The following PPTC7 variants were observed in gnomAD, a reference collection of about 807,000 sequenced individuals.
PPTC7 encodes protein phosphatase targeting COQ7, also known as protein phosphatase PTC7 homolog.
PPTC7 carries 6 observed loss-of-function variants against 30.8 expected under a neutral mutation model. That is an observed-to-expected ratio of 0.19 (90% confidence interval 0.11 to 0.38). The LOEUF (loss-of-function observed/expected upper bound fraction) is 0.38. Among genes scored for constraint, PPTC7 ranks in the 10% least tolerant of loss-of-function variants. The probability of loss-of-function intolerance (pLI) is 1.00; values close to 1 mark genes in which losing one functional copy is unlikely to be tolerated. For missense variants in PPTC7, 218 were observed against 404.8 expected (o/e 0.54, Z 3.96); for synonymous variants, 163 against 168.1 (o/e 0.97, Z 0.23).
At chr12:110,557,431 C>G (rs538249667) in intron 1 of PPTC7, among the ~76,000 whole-genome samples, 1 of 151,956 alleles carries the variant, frequency 6.6e-6, no homozygotes, top group Admixed American at 6.6e-5. Context: ...CACCCTGATA[C>G]ACCCCGCTAC....
chr12:110,551,977 A>G lies in PPTC7; in HGVS notation c.224-9T>C, dbSNP rs200650014. On this transcript the variant is annotated splice_polypyrimidine_tract_variant and intron_variant, in intron 1 of 5. Coordinates refer to ENST00000354300, the MANE Select transcript of PPTC7 (RefSeq NM_139283.2). ...TACACCATCTGCAACCCCTGAAGAA[A>G]AAACAAAAATTACAGTAAAAGAACA... The G allele has an allele frequency of 2.8e-5, 45 of 1,592,016 alleles. No homozygotes were observed. The highest frequency in any genetic ancestry group is 2.3e-4 in the Admixed American group (13 of 56,278).
At chr12:110,558,213 T>C (rs912860586) in intron 1 of PPTC7, among the ~76,000 whole-genome samples, 3 of 152,162 alleles carry the variant, frequency 2.0e-5, no homozygotes, top group African/African-American at 4.8e-5. Context: ...TGTGGAAGTG[T>C]TGTGTATAAA....
At chr12:110,567,151 G>A (rs2064491215) in intron 1 of PPTC7, among the ~76,000 whole-genome samples, 1 of 152,102 alleles carries the variant, frequency 6.6e-6, no homozygotes. Flanking sequence ...GCCTCCAAAG[G>A]GCTGAGTCTC....
Position 110,583,042 on chromosome 12 carries a change from G to GC in PPTC7, c.-12dup, listed in dbSNP as rs888754666. 4.1e-5 allele frequency: 57 copies of GC among 1,386,946 alleles called. No homozygotes were observed. The highest frequency in any genetic ancestry group is 7.4e-5 in the Admixed American group (2 of 27,034). The allele number at this position is 1,386,946 out of a possible 1,614,324, so 85.9% of individuals were successfully genotyped here. On this transcript the variant is annotated 5_prime_UTR_variant, in exon 1 of 6. Transcript: ENST00000354300. ...GAGGACCGAGAACATCGCCGCCGCCGCCCCCCCGAGGAGGCGGGGGGCCGG... is the reference window on the plus strand; with the variant it reads ...GAGGACCGAGAACATCGCCGCCGCCGCCCCCCCCGAGGAGGCGGGGGGCCGG...
At chr12:110,568,495 G>A (rs574004474) in intron 1 of PPTC7, among the ~76,000 whole-genome samples, 1 of 151,804 alleles carries the variant, frequency 6.6e-6, no homozygotes, top group African/African-American at 2.4e-5. Context: ...CTCGTGATCC[G>A]CCCACCTCGG....
At chr12:110,582,305 G>A (rs964292035) in intron 1 of PPTC7, among the ~76,000 whole-genome samples, 1 of 152,248 alleles carries the variant, frequency 6.6e-6, no homozygotes, top group Non-Finnish European at 1.5e-5. Context: ...TTACCATCCA[G>A]GCGGCGAAAG....
At chr12:110,575,742 C>T (rs959933759) in intron 1 of PPTC7, among the ~76,000 whole-genome samples, 5 of 149,852 alleles carry the variant, frequency 3.3e-5, no homozygotes, top group African/African-American at 1.2e-4. Flanking sequence ...CAAAAGGATT[C>T]AACCAGAATC....
chr12:110,553,225 G>T (rs1394854694), intron 1 of PPTC7, among the ~76,000 whole-genome samples: 3 of 145,792 alleles, frequency 2.1e-5, no homozygotes, highest in African/African-American at 7.5e-5. Flanking sequence ...TCGGCTCACC[G>T]CAACCTCTCC....
chr12:110,540,321 C>CCTTTT (rs377082561), intron 3 of PPTC7, among the ~76,000 whole-genome samples: 1 of 105,008 alleles, frequency 9.5e-6, no homozygotes, highest in Non-Finnish European at 1.8e-5. Flanking sequence ...CCCCCCCCGC[C>CCTTTT]TTTTTTTTTT....
intron 1 of PPTC7, among the ~76,000 whole-genome samples, chr12:110,559,203 T>A (rs1247767312): frequency 1.2e-4 from 18 of 151,396 alleles, no homozygotes; most frequent in Non-Finnish European, 2.4e-4. Context: ...TTTTTAAAAA[T>A]TTTTTTTGTA....
At chr12:110,582,636 GCGGAAAA>G (rs2064647978) in intron 1 of PPTC7, among the ~76,000 whole-genome samples, 166 bp downstream of exon 1, 1 of 152,206 alleles carries the variant, frequency 6.6e-6, no homozygotes, top group Non-Finnish European at 1.5e-5. Flanking sequence ...GGTCGTTCAA[GCGGAAAA>G]CGCGCCTCGG....
At chr12:110,553,797 A>G (rs1376655343) in intron 1 of PPTC7, among the ~76,000 whole-genome samples, 2 of 152,148 alleles carry the variant, frequency 1.3e-5, no homozygotes, top group Non-Finnish European at 2.9e-5. Context: ...AAACAGAAAA[A>G]GAATATTTTA....
intron 1 of PPTC7, among the ~76,000 whole-genome samples, chr12:110,560,745 T>C (rs1336168181): frequency 6.6e-6 from 1 of 152,216 alleles, no homozygotes; most frequent in Admixed American, 6.5e-5. Context: ...ACAATTTGAT[T>C]TTGTCCAAAA....
intron 5 of PPTC7, among the ~76,000 whole-genome samples, chr12:110,537,519 A>T (rs2064228102): frequency 6.6e-6 from 1 of 152,202 alleles, no homozygotes. Context: ...TTCTATTTTA[A>T]CATTTTTTGG....
intron 1 of PPTC7, among the ~76,000 whole-genome samples, chr12:110,553,216 C>A (rs1000891177): frequency 1.4e-5 from 2 of 146,306 alleles, no homozygotes; most frequent in Non-Finnish European, 3.0e-5. Context: ...GGCGTGATCT[C>A]GGCTCACCGC....
intron 1 of PPTC7, among the ~76,000 whole-genome samples, chr12:110,571,774 T>G (rs1357923053): frequency 6.6e-6 from 1 of 152,202 alleles, no homozygotes; most frequent in South Asian, 2.1e-4. Flanking sequence ...GATTGTTTGG[T>G]GAATTGTGTA....
At chr12:110,561,974 C>T (rs1365669520) in intron 1 of PPTC7, among the ~76,000 whole-genome samples, 3 of 151,920 alleles carry the variant, frequency 2.0e-5, no homozygotes, top group Non-Finnish European at 4.4e-5. Flanking sequence ...AAACACTCCC[C>T]TGTGATTCAA....
At chr12:110,566,585 A>G (rs1037839371) in intron 1 of PPTC7, among the ~76,000 whole-genome samples, 1 of 152,198 alleles carries the variant, frequency 6.6e-6, no homozygotes, top group African/African-American at 2.4e-5. Flanking sequence ...GCCAACATTC[A>G]GCAAGTTAGA....
rs909890960 is a variant in PPTC7 at position 110,533,680 on chromosome 12, G to A, written c.*3357C>T. The A allele has an allele frequency of 6.6e-6, 1 of 152,184 alleles. No individual in the cohort carries two copies. The highest frequency in any genetic ancestry group is 1.5e-5 in the Non-Finnish European group (1 of 68,034). The allele number at this position is 152,184 out of a possible 1,614,324, so 9.4% of individuals were successfully genotyped here. A position where few individuals can be genotyped will look rare whatever the true frequency, so the allele number is the denominator to read the frequency against. On this transcript the variant is annotated 3_prime_UTR_variant, in exon 6 of 6. Transcript: ENST00000354300. ...AATGCTGTAGCTTCTACCAAAGATA[G>A]CTGGTATTAAGGTGACCTAAAGAAC...
Sources: allele counts gnomAD v4.1 joint callset (sites outside exome capture counted in the v4.1 genomes callset), GRCh38; gene constraint gnomAD v4.1.1; transcripts MANE v1.5; gene names NCBI Gene and HGNC (gene_info 2026-07-23, HGNC 2026-07-21).